Variants in ETNK1 observed in about 807,000 individuals in gnomAD.
ETNK1 encodes the protein putative protein product of Nbla10396.
Under a neutral mutation model 45.1 loss-of-function variants are expected in ETNK1, and 8 were observed. The observed-to-expected ratio is 0.18, with a 90% CI of 0.10 to 0.32. The LOEUF (loss-of-function observed/expected upper bound fraction) is 0.32, where lower values mean the gene tolerates loss of function less well. Among genes scored for constraint, ETNK1 ranks in the 10% least tolerant of loss-of-function variants. ETNK1 has a pLI of 1.00. For synonymous variants in ETNK1, 152 were observed against 151.9 expected, an observed-to-expected ratio of 1.00 and a Z score of -0.01; for missense variants, 302 against 430.6, an observed-to-expected ratio of 0.70 and a Z score of 2.64.
At chr12:22,642,778 TTTCTC>T (rs1198412383) in intron 1 of ETNK1, among the ~76,000 whole-genome samples, 5 of 152,070 alleles carry the variant, frequency 3.3e-5, no homozygotes, top group African/African-American at 1.2e-4. Flanking sequence ...TGCTTTCGCT[TTTCTC>T]TTTTCTTCCT....
intron 1 of ETNK1, among the ~76,000 whole-genome samples, chr12:22,627,180 C>T (rs769605134): frequency 1.3e-5 from 2 of 151,644 alleles, no homozygotes; most frequent in African/African-American, 2.4e-5. Flanking sequence ...GCCCGAACAA[C>T]CATATTAGGT....
At position 22,684,525 on chromosome 12, in the gene ETNK1, A is replaced by G; in HGVS notation, c.988A>G (p.Lys330Glu). The change falls in exon 7 of 8, where the codon AAA (lysine) becomes GAA (glutamate). Residue 330 changes from lysine (K) to glutamate (E), a missense_variant. By Grantham distance (56) the Lys-to-Glu change is moderately conservative. This residue lies in a region of ETNK1 where 94 missense variants were observed against 152.9 expected (regional missense o/e 0.61). Transcript: ENST00000266517. ...FWGLWALIQA[K>E]YSTIEFDFLG... ...GGGATTGTGGGCTTTGATTCAAGCC[A>G]AATACTCCACTATTGAGTTTGATTT... The G allele has an allele frequency of 6.2e-7, 1 of 1,611,212 alleles. No homozygotes were observed. The highest frequency in any genetic ancestry group is 8.5e-7 in the Non-Finnish European group (1 of 1,178,322).
chr12:22,675,763 T>C (rs1172166496), intron 6 of ETNK1, among the ~76,000 whole-genome samples: 1 of 152,168 alleles, frequency 6.6e-6, no homozygotes, highest in Non-Finnish European at 1.5e-5. Flanking sequence ...GAACAACAGA[T>C]ATATTAATAA....
chr12:22,627,501 T>C (rs1370728947), intron 1 of ETNK1, among the ~76,000 whole-genome samples: 3 of 152,280 alleles, frequency 2.0e-5, no homozygotes, highest in South Asian at 2.1e-4. Context: ...CTAAGCTGAA[T>C]TGATGATTAT....
chr12:22,677,238 T>C (rs933012566), intron 6 of ETNK1, among the ~76,000 whole-genome samples: 2 of 152,232 alleles, frequency 1.3e-5, no homozygotes, highest in Non-Finnish European at 2.9e-5. Flanking sequence ...GGCTAGCCAG[T>C]TTTCCCAACA....
At chr12:22,651,888 G>C (rs1270775491) in intron 2 of ETNK1, among the ~76,000 whole-genome samples, 5 of 151,966 alleles carry the variant, frequency 3.3e-5, no homozygotes, top group African/African-American at 1.2e-4. Flanking sequence ...GTTTCACCAT[G>C]TTGGCCAGGC....
At chr12:22,658,308 C>T (rs568039855) in intron 2 of ETNK1, among the ~76,000 whole-genome samples, 1 of 152,150 alleles carries the variant, frequency 6.6e-6, no homozygotes, top group South Asian at 2.1e-4. Flanking sequence ...GGACTCCAAT[C>T]TAGTTTCAGA....
chr12:22,682,153 T>A (rs1443601271), intron 6 of ETNK1: 4 of 206,192 alleles, frequency 1.9e-5, no homozygotes, highest in Non-Finnish European at 4.1e-5. Flanking sequence ...CACATCTCAT[T>A]ATAAGATAGC....
Position 22,643,775 on chromosome 12 carries a change from G to T in ETNK1, c.169G>T (p.Gly57Ter). ...AAATTTTTGGCAGCTCTTCACAGATGGAATCACAAATAAACTTATTGGCTG... is the reference window on the plus strand; with the variant it reads ...AAATTTTTGGCAGCTCTTCACAGATTGAATCACAAATAAACTTATTGGCTG... ...QEVTLQLFTD[G>*]ITNKLIGCYV... Residue 57 changes from glycine (G) to a stop codon, truncating the protein, a stop_gained, in exon 2 of 8, where the codon GGA becomes TGA. Coordinates refer to ENST00000266517, the MANE Select transcript of ETNK1 (RefSeq NM_018638.5). LOFTEE classifies it high-confidence loss of function. The T allele has an allele frequency of 6.2e-7, 1 of 1,607,008 alleles. No homozygotes were observed.
chr12:22,671,067 T>C, intron 4 of ETNK1: 1 of 481,764 alleles, frequency 2.1e-6, no homozygotes, highest in Non-Finnish European at 3.6e-6. Flanking sequence ...ATAAAGAAGC[T>C]GTTGACCAAG....
intron 1 of ETNK1, among the ~76,000 whole-genome samples, chr12:22,640,397 T>G (rs1953720568): frequency 7.5e-6 from 1 of 133,574 alleles, no homozygotes; most frequent in Admixed American, 7.5e-5. Context: ...ATTGAAAGCC[T>G]TTTTTTTTTT....
At chr12:22,680,553 T>A (rs1954204514) in intron 6 of ETNK1, among the ~76,000 whole-genome samples, 1 of 152,188 alleles carries the variant, frequency 6.6e-6, no homozygotes, top group Non-Finnish European at 1.5e-5. Flanking sequence ...AGAAGCTTAT[T>A]CCTTCTACCT....
Position 22,690,165 on chromosome 12 carries a change from G to C in ETNK1, c.*5211G>C, listed in dbSNP as rs1954291669. On this transcript the variant is annotated 3_prime_UTR_variant, in exon 8 of 8. Transcript: ENST00000266517. Reference sequence around the variant, plus strand: ...ATGTGAACCATAGTAGTATAATGCTGCTTTGTATATAATGTAAGTGCTACA... The same window carrying C: ...ATGTGAACCATAGTAGTATAATGCTCCTTTGTATATAATGTAAGTGCTACA... 6.6e-6 allele frequency: 1 copy of C among 152,472 alleles called. No individual in the cohort carries two copies. Among genetic ancestry groups the C allele is most frequent in the Non-Finnish European group, 1.5e-5 (1 of 67,908 alleles). The allele number at this position is 152,472 out of a possible 1,614,324, so 9.4% of individuals were successfully genotyped here. A position where few individuals can be genotyped will look rare whatever the true frequency, so the allele number is the denominator to read the frequency against.
intron 2 of ETNK1, among the ~76,000 whole-genome samples, chr12:22,658,410 TAATC>T (rs1259929836): frequency 4.6e-5 from 7 of 152,180 alleles, no homozygotes; most frequent in Non-Finnish European, 5.9e-5. Flanking sequence ...GGATCCCCAT[TAATC>T]AGTCAGACGT....
rs201963225 is a variant in ETNK1, at chr12:22,644,266, G to A, written c.416+244G>A. 241 of 1,608,428 alleles carry A rather than the reference G, an allele frequency of 1.5e-4. 1 individual carries two copies. The African/African-American group carries it at 2.6e-3, about 17-fold the overall frequency. ...AACTACAAGATGTTTTGGATTAACCGGCTGCAGAGGGTCAAGGCTTCTGCT... is the reference window on the plus strand; with the variant it reads ...AACTACAAGATGTTTTGGATTAACCAGCTGCAGAGGGTCAAGGCTTCTGCT... On this transcript the variant is annotated intron_variant, in intron 2 of 7. Transcript: ENST00000266517.
At chr12:22,680,207 T>G (rs1240200845) in intron 6 of ETNK1, among the ~76,000 whole-genome samples, 1 of 152,194 alleles carries the variant, frequency 6.6e-6, no homozygotes, top group African/African-American at 2.4e-5. Context: ...TTTCAGCACC[T>G]TCTCCTTTTA....
At chr12:22,638,729 A>T (rs1953689066) in intron 1 of ETNK1, 2 of 152,154 alleles carry the variant, frequency 1.3e-5, no homozygotes, top group Admixed American at 6.5e-5. Context: ...TGCTTTGATT[A>T]GTTGTATCAT....
At chr12:22,660,118 T>C (rs1953984986) in intron 3 of ETNK1, among the ~76,000 whole-genome samples, 1 of 150,992 alleles carries the variant, frequency 6.6e-6, no homozygotes, top group Non-Finnish European at 1.5e-5. Flanking sequence ...CTTGTGGAAG[T>C]TGTATGTAGA....
intron 1 of ETNK1, 150 bp downstream of exon 1, chr12:22,625,736 C>A: frequency 8.6e-7 from 1 of 1,165,104 alleles, no homozygotes; most frequent in Non-Finnish European, 1.2e-6. Context: ...TATTTCCCCT[C>A]ACACCTAGGA....
Sources: gnomAD v4.1 joint callset for allele counts (sites outside exome capture counted in the v4.1 genomes callset) on GRCh38, gnomAD v4.1.1 for gene constraint, gnomAD v4.1.1 regional missense constraint, MANE v1.5 for transcripts, NCBI Gene and HGNC (gene_info 2026-07-23, HGNC 2026-07-21) for gene names.